Variants in TMEM116 observed in about 807,000 individuals in gnomAD.
The protein encoded by TMEM116 is transmembrane protein 116.
A neutral mutation model predicts 44.3 loss-of-function variants in TMEM116; 38 were observed. That is an observed-to-expected ratio of 0.86 (90% CI 0.66 to 1.12). The LOEUF (loss-of-function observed/expected upper bound fraction) is 1.12. TMEM116 is among the 50% of genes most tolerant of loss of function. The pLI is 0.00. For synonymous variants in TMEM116, 132 were observed against 144.8 expected (o/e 0.91, Z 0.64); for missense variants, 354 against 401.7 (o/e 0.88, Z 1.01).
chr12:111,977,930 G>C lies in TMEM116; in HGVS notation c.210+13828C>G, dbSNP rs77765595. On this transcript the variant is annotated intron_variant, in intron 4 of 10. Coordinates refer to ENST00000552374, the MANE Select transcript of TMEM116 (RefSeq NM_001193531.2). ...AAGTATAATTGATATGCTAAGAAAA[G>C]AGAGAAGACAGAATAATTTTTAAAA... 2.6e-4 allele frequency among the ~76,000 whole-genome samples: 40 copies of C among 151,862 alleles called. No individual in the cohort carries two copies. The East Asian group carries it at 7.5e-3, about 29-fold the overall frequency.
chr12:111,936,656 C>A, intron 8 of TMEM116, 36 bp downstream of exon 8: 1 of 1,599,502 alleles, frequency 6.3e-7, no homozygotes, highest in East Asian at 2.2e-5. Flanking sequence ...TTCATTTCCT[C>A]ATCTCTCCAC....
intron 4 of TMEM116, among the ~76,000 whole-genome samples, chr12:111,945,412 C>T (rs1009732399): frequency 6.7e-6 from 1 of 148,158 alleles, no homozygotes; most frequent in Middle Eastern, 3.6e-3. Flanking sequence ...GTAGAGGGAA[C>T]CAGGATGTCA....
At chr12:111,993,737 G>A (rs2076760666) in intron 3 of TMEM116, 2 of 672,694 alleles carry the variant, frequency 3.0e-6, no homozygotes, top group East Asian at 2.9e-5. Flanking sequence ...CGGAAGCCCT[G>A]TGGTGAATGT....
intron 1 of TMEM116, among the ~76,000 whole-genome samples, chr12:112,008,745 G>A (rs1240678142): frequency 1.3e-5 from 2 of 152,180 alleles, no homozygotes; most frequent in Non-Finnish European, 2.9e-5. Flanking sequence ...GCCAAGGTGG[G>A]TGGATCACCT....
intron 1 of TMEM116, among the ~76,000 whole-genome samples, chr12:112,009,308 C>T (rs1048562854): frequency 6.6e-6 from 1 of 152,012 alleles, no homozygotes; most frequent in Non-Finnish European, 1.5e-5. Context: ...GCCAGTTAAC[C>T]CAATAAACCA....
chr12:111,985,925 A>G (rs764414977), intron 4 of TMEM116, among the ~76,000 whole-genome samples: 2 of 152,124 alleles, frequency 1.3e-5, no homozygotes, highest in Non-Finnish European at 2.9e-5. Flanking sequence ...AAGATGTTCA[A>G]TACTACCCTA....
intron 4 of TMEM116, among the ~76,000 whole-genome samples, chr12:111,946,373 A>C (rs1042646183): frequency 2.6e-5 from 4 of 152,356 alleles, no homozygotes; most frequent in Admixed American, 6.5e-5. Context: ...GCAAGTCAGT[A>C]ATAAGCATTA....
chr12:111,962,350 T>C (rs939706792), intron 4 of TMEM116, among the ~76,000 whole-genome samples: 4 of 152,182 alleles, frequency 2.6e-5, no homozygotes, highest in African/African-American at 9.6e-5. Flanking sequence ...AAGGCCCACA[T>C]AGCCAAGACA....
At chr12:111,982,473 T>A (rs2136538643) in intron 4 of TMEM116, among the ~76,000 whole-genome samples, 1 of 152,184 alleles carries the variant, frequency 6.6e-6, no homozygotes, top group East Asian at 1.9e-4. Flanking sequence ...GCTAATTTTT[T>A]GTATTTTAGT....
In TMEM116 at chr12:111,932,792, T is replaced by G. The variant is rs77471419; in HGVS notation, c.734-133A>C. ...AAAATCCATCAGTGACGTTAACTTG[T>G]TATGCAAACCAATGAGTCTTAGGCC... On this transcript the variant is annotated intron_variant, in intron 9 of 10. Transcript: ENST00000552374. 3,346 of 709,134 alleles carry G rather than the reference T, an allele frequency of 4.7e-3. 88 individuals carry two copies. The African/African-American group carries it at 0.052, about 11-fold the overall frequency. The allele number at this position is 709,134 out of a possible 1,614,324, so 43.9% of individuals were successfully genotyped here. A position where few individuals can be genotyped will look rare whatever the true frequency, so the allele number is the denominator to read the frequency against.
intron 3 of TMEM116, among the ~76,000 whole-genome samples, chr12:111,996,740 C>T (rs1458444161): frequency 1.3e-5 from 2 of 151,942 alleles, no homozygotes; most frequent in Non-Finnish European, 2.9e-5. Flanking sequence ...AATGCTTATA[C>T]AATAATGCTT....
intron 4 of TMEM116, among the ~76,000 whole-genome samples, chr12:111,946,096 T>C (rs1279376678): frequency 1.3e-5 from 2 of 152,246 alleles, no homozygotes; most frequent in African/African-American, 4.8e-5. Context: ...AATGTTTTCC[T>C]CTAGTATAAC....
chr12:111,937,339 T>A, intron 6 of TMEM116, 96 bp from the exon 7 acceptor site: 2 of 883,004 alleles, frequency 2.3e-6, no homozygotes, highest in South Asian at 2.9e-5. Context: ...AACTCTATCA[T>A]CCCACCAATC....
chr12:111,931,936 A>C, intron 10 of TMEM116, 109 bp from the exon 11 acceptor site: 2 of 759,802 alleles, frequency 2.6e-6, no homozygotes, highest in Non-Finnish European at 2.1e-6. Context: ...TCTCTATCTC[A>C]AACATGAAGA....
At chr12:112,001,578 C>T (rs923865701) in intron 3 of TMEM116, among the ~76,000 whole-genome samples, 2 of 152,190 alleles carry the variant, frequency 1.3e-5, no homozygotes, top group African/African-American at 4.8e-5. Context: ...TCCTAATGTA[C>T]AGGACTACAA....
At chr12:111,951,142 C>T (rs1413343308) in intron 4 of TMEM116, among the ~76,000 whole-genome samples, 1 of 152,240 alleles carries the variant, frequency 6.6e-6, no homozygotes, top group Admixed American at 6.5e-5. Flanking sequence ...TATCTCACAC[C>T]AGTCAGAATG....
intron 4 of TMEM116, among the ~76,000 whole-genome samples, chr12:111,967,096 A>G (rs1407896148): frequency 1.3e-5 from 2 of 152,226 alleles, no homozygotes; most frequent in Non-Finnish European, 2.9e-5. Context: ...ATACACTCAT[A>G]GAGAACCTTT....
At chr12:111,937,137 T>C (rs1347747555) in intron 7 of TMEM116, 23 bp downstream of exon 7, 1 of 1,586,834 alleles carries the variant, frequency 6.3e-7, no homozygotes, top group African/African-American at 1.3e-5. Context: ...GCCATGAAAA[T>C]TATACATTTA....
intron 3 of TMEM116, among the ~76,000 whole-genome samples, chr12:111,995,903 G>A (rs922470138): frequency 6.6e-6 from 1 of 151,880 alleles, no homozygotes; most frequent in African/African-American, 2.4e-5. Context: ...AGCTGGGCAT[G>A]GTGACACACA....
Sources: gnomAD v4.1 joint callset for allele counts (sites outside exome capture counted in the v4.1 genomes callset) on GRCh38, gnomAD v4.1.1 for gene constraint, MANE v1.5 for transcripts, NCBI Gene and HGNC (gene_info 2026-07-23, HGNC 2026-07-21) for gene names.